The following CPVL variants were observed in gnomAD, a reference collection of about 807,000 sequenced individuals.
The protein encoded by CPVL is carboxypeptidase vitellogenic like, also known as probable serine carboxypeptidase CPVL.
A neutral mutation model predicts 63.7 loss-of-function variants in CPVL; 51 were observed. That is an observed-to-expected ratio of 0.80 (90% confidence interval 0.64 to 1.01). The LOEUF (loss-of-function observed/expected upper bound fraction) is 1.01, where lower values mean the gene tolerates loss of function less well. CPVL is among the 50% of genes least tolerant of loss of function. The pLI is 0.00. For missense variants in CPVL, 530 were observed against 573.1 expected, an observed-to-expected ratio of 0.92 and a Z score of 0.77; for synonymous variants, 195 against 206.0, an observed-to-expected ratio of 0.95 and a Z score of 0.46.
chr7:29,170,765 T>C (rs895154264), intron 5 of CPVL, among the ~76,000 whole-genome samples: 3 of 152,188 alleles, frequency 2.0e-5, no homozygotes, highest in Non-Finnish European at 4.4e-5. Context: ...ATTGGACTTA[T>C]AGTTCCATAT....
chr7:29,194,988 C>G (rs764852613), intron 1 of CPVL: 4 of 1,587,170 alleles, frequency 2.5e-6, no homozygotes, highest in South Asian at 2.3e-5. Flanking sequence ...TCGGTGTCCT[C>G]CGGTGAGTTT....
intron 12 of CPVL, among the ~76,000 whole-genome samples, chr7:29,028,303 C>T (rs1299971630): frequency 1.3e-5 from 2 of 152,162 alleles, no homozygotes; most frequent in African/African-American, 2.4e-5. Context: ...AGCTCAAAAA[C>T]GAAACCCCTA....
intron 9 of CPVL, among the ~76,000 whole-genome samples, chr7:29,067,467 G>C (rs1202658983): frequency 6.6e-6 from 1 of 152,108 alleles, no homozygotes; most frequent in Non-Finnish European, 1.5e-5. Context: ...AAAGTCACAT[G>C]ATGAGCAAGG....
intron 11 of CPVL, among the ~76,000 whole-genome samples, chr7:29,063,755 A>G (rs1254906182): frequency 6.6e-6 from 1 of 151,994 alleles, no homozygotes; most frequent in Non-Finnish European, 1.5e-5. Context: ...ATTTTTTAGT[A>G]GAGAGAAGGT....
chr7:29,099,033 C>T (rs931614349), intron 3 of CPVL, among the ~76,000 whole-genome samples: 1 of 151,880 alleles, frequency 6.6e-6, no homozygotes, highest in Non-Finnish European at 1.5e-5. Flanking sequence ...CCATTGCACT[C>T]CAGCCTGGGC....
At chr7:29,125,285 AC>A (rs1485906782) in intron 1 of CPVL, among the ~76,000 whole-genome samples, 1 of 151,992 alleles carries the variant, frequency 6.6e-6, no homozygotes, top group Non-Finnish European at 1.5e-5. Flanking sequence ...AGATTAGAAA[AC>A]TTTTACCAAG....
rs767193307 is a variant in CPVL at position 29,064,169 on chromosome 7, G to A, written c.1029C>T (p.His343=). 10 of 1,612,450 alleles carry A rather than the reference G, an allele frequency of 6.2e-6. No homozygotes were observed. The highest frequency in any genetic ancestry group is 3.3e-5 in the Admixed American group (2 of 59,984). ...LSLPEVRQAI[H]VGNQTFNDGT... is the part of the protein sequence containing the mutation. Reference sequence around the variant, plus strand: ...CATCATTAAAAGTCTGATTCCCCACGTGGATGGCTTGTCTCACCTCTGGGA... The same window carrying A: ...CATCATTAAAAGTCTGATTCCCCACATGGATGGCTTGTCTCACCTCTGGGA... The change falls in exon 11 of 13, where the codon CAC becomes CAT. Residue 343 remains histidine (H), a synonymous_variant. Coordinates refer to ENST00000265394, the MANE Select transcript of CPVL (RefSeq NM_031311.5).
intron 12 of CPVL, among the ~76,000 whole-genome samples, chr7:28,998,873 T>A (rs1784342471): frequency 6.6e-6 from 1 of 151,934 alleles, no homozygotes; most frequent in Admixed American, 6.6e-5. Flanking sequence ...TGTTCCTACA[T>A]TTTCATAAAA....
rs773958496 is a variant in CPVL, at chr7:29,092,745, C to T, written c.463-43G>A. ...ACGCAGGTATAAACACAGAGAAACACATGCCTTAGGGACCTGCAGAGAGGT... is the reference window on the plus strand; with the variant it reads ...ACGCAGGTATAAACACAGAGAAACATATGCCTTAGGGACCTGCAGAGAGGT... On this transcript the variant is annotated intron_variant, in intron 5 of 12. Coordinates refer to ENST00000265394, the MANE Select transcript of CPVL (RefSeq NM_031311.5). 5 of 1,385,804 alleles carry T rather than the reference C, an allele frequency of 3.6e-6. No individual in the cohort carries two copies. The Admixed American group carries it at 6.8e-5, about 19-fold the overall frequency. The allele number at this position is 1,385,804 out of a possible 1,614,324, so 85.8% of individuals were successfully genotyped here.
At chr7:28,995,929 T>C in intron 12 of CPVL, 47 bp from the exon 13 acceptor site, 1 of 1,056,772 alleles carries the variant, frequency 9.5e-7, no homozygotes. Context: ...AAATGGATAT[T>C]CTAAATACAT....
In CPVL at chr7:29,154,967, C is replaced by T. The variant is rs572108771; in HGVS notation, c.-11+26323G>A. 2.6e-5 allele frequency among the ~76,000 whole-genome samples: 4 copies of T among 152,312 alleles called. No individual in the cohort carries two copies. The East Asian group carries it at 7.7e-4, about 29-fold the overall frequency. ...AATCATGGTGGAAGACAAGGAGGAG[C>T]AAGTCACATCTTACATGGATGGTGG... is the stretch of plus-strand genomic sequence containing the variant. On this transcript the variant is annotated intron_variant, in intron 5 of 16. Coordinates refer to the CPVL transcript ENST00000409850.
At chr7:29,016,171 T>C (rs1786387061) in intron 12 of CPVL, among the ~76,000 whole-genome samples, 2 of 151,934 alleles carry the variant, frequency 1.3e-5, no homozygotes, top group Non-Finnish European at 2.9e-5. Flanking sequence ...GCCAATATGG[T>C]GAAACCCTGT....
chr7:29,012,463 G>C (rs560060372), intron 12 of CPVL: 2 of 152,324 alleles, frequency 1.3e-5, no homozygotes, highest in East Asian at 3.9e-4. Flanking sequence ...TAAATTGCCA[G>C]TGATCTATCA....
chr7:29,064,783 A>G (rs141072869), intron 10 of CPVL, among the ~76,000 whole-genome samples: 7,351 of 152,142 alleles, frequency 0.048, 631 homozygotes, highest in African/African-American at 0.17. Flanking sequence ...TCCTAATGCT[A>G]TCCCTCCCCC....
chr7:29,078,086 C>T (rs1302220982), intron 7 of CPVL, among the ~76,000 whole-genome samples: 1 of 152,146 alleles, frequency 6.6e-6, no homozygotes, highest in Admixed American at 6.5e-5. Flanking sequence ...CATCTAATTT[C>T]AAGACCATAC....
At chr7:28,997,454 C>T (rs1784197836) in intron 12 of CPVL, among the ~76,000 whole-genome samples, 1 of 152,212 alleles carries the variant, frequency 6.6e-6, no homozygotes, top group Non-Finnish European at 1.5e-5. Context: ...TATATCCCAA[C>T]ACCCTCCATC....
chr7:29,061,207 A>C (rs1791243960), intron 11 of CPVL, among the ~76,000 whole-genome samples: 1 of 152,060 alleles, frequency 6.6e-6, no homozygotes, highest in Non-Finnish European at 1.5e-5. Context: ...CAGGAGTTTG[A>C]AATCAGCCTG....
intron 11 of CPVL, among the ~76,000 whole-genome samples, chr7:29,063,511 T>A (rs929415728): frequency 6.6e-5 from 10 of 152,188 alleles, no homozygotes; most frequent in Non-Finnish European, 1.3e-4. Context: ...AGAAGTGGTG[T>A]GTGCCAAAGG....
intron 5 of CPVL, among the ~76,000 whole-genome samples, chr7:29,162,242 A>G (rs1795275697): frequency 6.6e-6 from 1 of 152,336 alleles, no homozygotes; most frequent in East Asian, 1.9e-4. Context: ...ATAGCCAAAA[A>G]CCGGAAATGA....
Sources: allele counts gnomAD v4.1 joint callset (sites outside exome capture counted in the v4.1 genomes callset), GRCh38; gene constraint gnomAD v4.1.1; transcripts MANE v1.5; gene names NCBI Gene and HGNC (gene_info 2026-07-23, HGNC 2026-07-21).